The following NCOA1 variants were observed in gnomAD, a reference collection of about 807,000 sequenced individuals.
NCOA1 encodes nuclear receptor coactivator 1.
In NCOA1, 35 loss-of-function variants were observed where a neutral mutation model predicts 150.9. The observed-to-expected ratio is 0.23, with a 90% CI of 0.18 to 0.31. The LOEUF is 0.31. Ranked by LOEUF, NCOA1 falls within the 10% of genes least tolerant of loss-of-function variation. The pLI, the probability that NCOA1 is intolerant of heterozygous loss-of-function variation, is 1.00. For missense variants in NCOA1, 1,491 were observed against 1,749.3 expected (o/e 0.85, Z 2.63); for synonymous variants, 590 against 630.0 (o/e 0.94, Z 0.95).
chr2:24,599,978 G>A (rs970025203), intron 3 of NCOA1, among the ~76,000 whole-genome samples: 6 of 152,032 alleles, frequency 3.9e-5, no homozygotes, highest in South Asian at 2.1e-4. Flanking sequence ...TGATCCACCC[G>A]CCTCCGCCTC....
chr2:24,655,438 A>G (rs1244892325), intron 4 of NCOA1, among the ~76,000 whole-genome samples: 1 of 152,236 alleles, frequency 6.6e-6, no homozygotes, highest in Non-Finnish European at 1.5e-5. Context: ...TATATAATCT[A>G]TGAACACTTG....
intron 20 of NCOA1, among the ~76,000 whole-genome samples, chr2:24,757,492 G>A (rs1664560072): frequency 6.6e-6 from 1 of 152,090 alleles, no homozygotes; most frequent in Non-Finnish European, 1.5e-5. Flanking sequence ...TCACTCCCCT[G>A]AAGTATTAAG....
chr2:24,586,065 A>G (rs1667391960), intron 3 of NCOA1, among the ~76,000 whole-genome samples: 1 of 151,810 alleles, frequency 6.6e-6, no homozygotes, highest in Non-Finnish European at 1.5e-5. Flanking sequence ...ACCTGAGCTC[A>G]GGAGTTGGAG....
At chr2:24,674,781 T>C (rs1671831422) in intron 7 of NCOA1, among the ~76,000 whole-genome samples, 1 of 152,128 alleles carries the variant, frequency 6.6e-6, no homozygotes, top group Non-Finnish European at 1.5e-5. Flanking sequence ...TTCCTCCCTT[T>C]GCTGTCTAAA....
intron 1 of NCOA1, among the ~76,000 whole-genome samples, chr2:24,549,201 A>G (rs1356429451): frequency 6.6e-6 from 1 of 152,218 alleles, no homozygotes; most frequent in Admixed American, 6.5e-5. Flanking sequence ...CACCATGTGT[A>G]AGCTGCTAAG....
intron 4 of NCOA1, among the ~76,000 whole-genome samples, chr2:24,656,350 G>A (rs557035454): frequency 2.6e-5 from 4 of 152,016 alleles, no homozygotes; most frequent in Non-Finnish European, 5.9e-5. Flanking sequence ...TTTAATTGTT[G>A]CATAATAATT....
At chr2:24,514,374 G>GTAA (rs921352759) in intron 1 of NCOA1, among the ~76,000 whole-genome samples, 2 of 151,402 alleles carry the variant, frequency 1.3e-5, no homozygotes, top group African/African-American at 4.9e-5. Flanking sequence ...ATAAGCATTG[G>GTAA]TAATAGTCTT....
chr2:24,508,250 C>T (rs1572360977), intron 1 of NCOA1, among the ~76,000 whole-genome samples: 1 of 151,940 alleles, frequency 6.6e-6, no homozygotes, highest in Non-Finnish European at 1.5e-5. Flanking sequence ...CTCCAGCCAT[C>T]TCTCGTGGAT....
chr2:24,541,058 C>T (rs976101842), intron 1 of NCOA1, among the ~76,000 whole-genome samples: 1 of 152,010 alleles, frequency 6.6e-6, no homozygotes, highest in Non-Finnish European at 1.5e-5. Context: ...GACAACCACA[C>T]GAAAAAGTGT....
intron 14 of NCOA1, among the ~76,000 whole-genome samples, chr2:24,721,668 G>T (rs1320958619): frequency 6.6e-6 from 1 of 152,202 alleles, no homozygotes; most frequent in African/African-American, 2.4e-5. Flanking sequence ...GCCAGAGTCA[G>T]CTGCACTCAG....
In NCOA1 at chr2:24,647,945, A is replaced by G. The variant is rs1166519176; in HGVS notation, c.-18+3823A>G. 2.0e-5 allele frequency among the ~76,000 whole-genome samples: 3 copies of G among 152,096 alleles called. No homozygotes were observed. The East Asian group carries it at 5.8e-4, about 29-fold the overall frequency. On this transcript the variant is annotated intron_variant, in intron 4 of 22. Transcript: ENST00000348332. ...ATGTGTGAGCATTCTTTTTATTGTT[A>G]TTATTCTGTTTGTTATCATAATTAT...
chr2:24,769,536 A>G lies in NCOA1; in HGVS notation c.*1145A>G. ...ACTGCCCTAGAGTGTCCCTGGGATC[A>G]TCTGAACAGAAGTGCACAGGCTACT... is the stretch of plus-strand genomic sequence containing the variant. On this transcript the variant is annotated 3_prime_UTR_variant, in exon 23 of 23. Coordinates refer to ENST00000348332, the MANE Select transcript of NCOA1 (RefSeq NM_003743.5). 1 of 201,886 alleles carries G rather than the reference A, an allele frequency of 5.0e-6. No homozygotes were observed. Among genetic ancestry groups the G allele is most frequent in the Non-Finnish European group, 1.0e-5 (1 of 97,768 alleles). 12.5% of individuals were successfully genotyped at this position (201,886 alleles called of 1,614,324 possible).
chr2:24,707,338 A>T lies in NCOA1; in HGVS notation c.1868A>T (p.Asp623Val). 6.2e-7 allele frequency: 1 copy of T among 1,614,230 alleles called. No homozygotes were observed. The highest frequency in any genetic ancestry group is 8.5e-7 in the Non-Finnish European group (1 of 1,180,038). The change falls in exon 13 of 23, where the codon GAC becomes GTC. Residue 623 changes from aspartate (D) to valine (V), a missense_variant. Coordinates refer to ENST00000348332, the MANE Select transcript of NCOA1 (RefSeq NM_003743.5). ...LHNNDRLSDG[D>V]SKYSQTSHKL... ...AACAATGACAGACTTTCAGATGGAG[A>T]CAGTAAATACTCTCAAACCAGTCAC...
At chr2:24,497,517 CA>C (rs1324447581) in intron 1 of NCOA1, among the ~76,000 whole-genome samples, 68 of 152,192 alleles carry the variant, frequency 4.5e-4, no homozygotes, top group African/African-American at 1.4e-3. Flanking sequence ...ACTAAAAATA[CA>C]AAAAATAGCC....
intron 1 of NCOA1, among the ~76,000 whole-genome samples, chr2:24,508,077 A>T (rs1261581767): frequency 6.6e-6 from 1 of 152,152 alleles, no homozygotes; most frequent in Non-Finnish European, 1.5e-5. Flanking sequence ...TTATTAAGAT[A>T]TCTCAAATCA....
Position 24,711,072 on chromosome 2 carries a change from C to T in NCOA1, c.2560C>T (p.Leu854Phe). ...CAAATCGGAGATCCTGCCAGCTTCACTTCAGTCCGCCACTGCCAGACCCAC... is the reference window on the plus strand; with the variant it reads ...CAAATCGGAGATCCTGCCAGCTTCATTTCAGTCCGCCACTGCCAGACCCAC... The part of the protein sequence containing the change: ...TIKSEILPAS[L>F]QSATARPTSR... Residue 854 changes from leucine to phenylalanine, a missense_variant, in exon 14 of 23, where the codon CTT becomes TTT. This residue lies in a region of NCOA1 where 703 missense variants were observed against 717.7 expected (regional missense o/e 0.98). Coordinates refer to ENST00000348332, the MANE Select transcript of NCOA1 (RefSeq NM_003743.5). The T allele has an allele frequency of 6.2e-7, 1 of 1,614,144 alleles. No individual in the cohort carries two copies. Among genetic ancestry groups the T allele is most frequent in the South Asian group, 1.1e-5 (1 of 91,072 alleles).
chr2:24,627,985 C>T (rs760313409), intron 3 of NCOA1, among the ~76,000 whole-genome samples: 5 of 152,146 alleles, frequency 3.3e-5, no homozygotes, highest in African/African-American at 1.2e-4. Context: ...ACCTTCAAAT[C>T]TGTGCCTAAT....
intron 3 of NCOA1, among the ~76,000 whole-genome samples, chr2:24,596,429 TCA>T (rs1667888314): frequency 6.6e-6 from 1 of 152,162 alleles, no homozygotes; most frequent in Non-Finnish European, 1.5e-5. Context: ...CGTAGTAGTC[TCA>T]CAGAGTTATG....
intron 3 of NCOA1, among the ~76,000 whole-genome samples, chr2:24,623,809 A>G (rs1202234374): frequency 2.6e-5 from 4 of 152,072 alleles, no homozygotes; most frequent in South Asian, 2.1e-4. Context: ...TCCTCCTCCT[A>G]TAAGGACACC....
Sources: gnomAD v4.1 joint callset for allele counts (sites outside exome capture counted in the v4.1 genomes callset) on GRCh38, gnomAD v4.1.1 for gene constraint, gnomAD v4.1.1 regional missense constraint, MANE v1.5 for transcripts, NCBI Gene and HGNC (gene_info 2026-07-23, HGNC 2026-07-21) for gene names.